The following ZNF628 variants were observed in gnomAD, a reference collection of about 807,000 sequenced individuals.
The protein encoded by ZNF628 is zinc finger protein 628, also known as zinc finger protein Zec.
In ZNF628, 3 loss-of-function variants were observed where a neutral mutation model predicts 2.5. The ratio of observed to expected loss-of-function variants is 1.19; its 90% CI spans 0.54 to 3.07. The LOEUF (loss-of-function observed/expected upper bound fraction) is 3.07, where lower values mean the gene tolerates loss of function less well. Among genes scored for constraint, ZNF628 ranks in the 30% most tolerant of loss-of-function variants. The pLI is 0.03. For missense variants in ZNF628, 1,610 were observed against 1,517.1 expected, an observed-to-expected ratio of 1.06 and a Z score of -1.02; for synonymous variants, 861 against 717.1, an observed-to-expected ratio of 1.20 and a Z score of -3.21.
At position 55,483,264 on chromosome 19, in the gene ZNF628, G is replaced by A. The variant is rs956013312; in HGVS notation, c.2071G>A (p.Glu691Lys). The A allele has an allele frequency of 2.0e-6, 3 of 1,525,278 alleles. No individual in the cohort carries two copies. Among genetic ancestry groups the A allele is most frequent in the East Asian group, 2.4e-5 (1 of 40,832 alleles). 94.5% of individuals were successfully genotyped at this position (1,525,278 alleles called of 1,614,324 possible). A position where few individuals can be genotyped will look rare whatever the true frequency, so the allele number is the denominator to read the frequency against. Residue 691 changes from glutamate (E) to lysine (K), a missense_variant, in exon 3 of 3, where the codon GAG becomes AAG. Physicochemically the swap from Glu to Lys is moderately conservative, Grantham distance 56. Around this residue, in one of 5 missense-constraint regions of ZNF628, gnomAD observed 712 missense variants for 603.6 expected, o/e 1.18. Transcript: ENST00000598519. ...CCACCTCCAGGCCACGCTCTCCCTC[G>A]AGGTGGCGGGGGGCACGGCCCAGGC... The part of the protein sequence containing the change: ...LPHLQATLSL[E>K]VAGGTAQAPS...
rs750307464 is a variant in ZNF628 at position 55,483,840 on chromosome 19, G to A, written c.2647G>A (p.Ala883Thr). The A allele has an allele frequency of 6.2e-7, 1 of 1,613,060 alleles. No individual in the cohort carries two copies. Among genetic ancestry groups the A allele is most frequent in the Non-Finnish European group, 8.5e-7 (1 of 1,179,598 alleles). ...CTCCAATTCCAGTGGGGGAGCTGTG[G>A]CTACTGAGGCACCCAACCTGCTGGT... ...QLSNSSGGAV[A>T]TEAPNLLVVQ... Residue 883 changes from alanine to threonine, a missense_variant, in exon 3 of 3, where the codon GCT becomes ACT. Transcript: ENST00000598519.
Position 55,482,460 on chromosome 19 carries a change from G to A in ZNF628, c.1267G>A (p.Ala423Thr). Residue 423 changes from alanine (A) to threonine (T), a missense_variant, in exon 3 of 3, where the codon GCT becomes ACT. By Grantham distance (58) the Ala-to-Thr change is moderately conservative. Transcript: ENST00000598519. ...CGGGCGCCCGCCCCCGCAGGCTGAG[G>A]CTGCGGAGGTGACCTGCCCCCAGGA... ...AAGRPPPQAEAAEVTCPQEPL... is the reference protein window; with the variant it reads ...AAGRPPPQAETAEVTCPQEPL... 7.1e-7 allele frequency: 1 copy of A among 1,402,624 alleles called. No homozygotes were observed. Among genetic ancestry groups the A allele is most frequent in the Non-Finnish European group, 9.2e-7 (1 of 1,085,866 alleles). 86.9% of individuals were successfully genotyped at this position (1,402,624 alleles called of 1,614,324 possible).
rs1394953511 is a variant in ZNF628, at chr19:55,483,879, G to A, written c.2686G>A (p.Ala896Thr). ...CAACCTGCTGGTTGTTCAGAGCGGGGCAGCTGAGGAGTTGCTCACTGGCCC... is the reference window on the plus strand; with the variant it reads ...CAACCTGCTGGTTGTTCAGAGCGGGACAGCTGAGGAGTTGCTCACTGGCCC... ...APNLLVVQSGAAEELLTGPGP... is the reference protein window; with the variant it reads ...APNLLVVQSGTAEELLTGPGP... Residue 896 changes from alanine (A) to threonine (T), a missense_variant, in exon 3 of 3, where the codon GCA becomes ACA. Transcript: ENST00000598519. 2 of 1,606,946 alleles carry A rather than the reference G, an allele frequency of 1.2e-6. No individual in the cohort carries two copies. Among genetic ancestry groups the A allele is most frequent in the Admixed American group, 3.4e-5 (2 of 59,224 alleles).
Position 55,481,639 on chromosome 19 carries a change from C to T in ZNF628, c.446C>T (p.Pro149Leu). 1 of 1,607,178 alleles carries T rather than the reference C, an allele frequency of 6.2e-7. No individual in the cohort carries two copies. The highest frequency in any genetic ancestry group is 8.5e-7 in the Non-Finnish European group (1 of 1,176,442). ...CAGCACACAGGCGAGCGCCCCTACC[C>T]GTGCCCGGACTGCCCCAAGGCCTTC... is the stretch of plus-strand genomic sequence containing the variant. ...LRQHTGERPY[P>L]CPDCPKAFKN... Residue 149 changes from proline (P) to leucine (L), a missense_variant, in exon 3 of 3, where the codon CCG (proline) becomes CTG (leucine). Coordinates refer to ENST00000598519, the MANE Select transcript of ZNF628 (RefSeq NM_033113.3).
At chr19:55,477,364 T>TG (rs1491391034) in intron 1 of ZNF628, among the ~76,000 whole-genome samples, 1 of 50,478 alleles carries the variant, frequency 2.0e-5, no homozygotes, top group African/African-American at 7.6e-5. Flanking sequence ...TTTTTTTTTT[T>TG]TTTTTTTTTT....
In ZNF628 at chr19:55,479,474, G is replaced by A. The variant is rs1290243517; in HGVS notation, c.-77-360G>A. 1.3e-5 allele frequency among the ~76,000 whole-genome samples: 2 copies of A among 152,202 alleles called. No individual in the cohort carries two copies. Among genetic ancestry groups the A allele is most frequent in the African/African-American group, 4.8e-5 (2 of 41,446 alleles). ...GATTGTTGGTTCTGCAGATGGGAAC[G>A]TCCAGGAGAGGAGGAAAAGTGGAGG... On this transcript the variant is annotated intron_variant, in intron 1 of 2. Coordinates refer to ENST00000598519, the MANE Select transcript of ZNF628 (RefSeq NM_033113.3). This position sits in a 1 kb window ranked among gnomAD's most constrained non-coding sequence, Gnocchi z 5.1.
Position 55,483,921 on chromosome 19 carries a change from G to T in ZNF628, c.2728G>T (p.Gly910Trp). 1 of 1,581,518 alleles carries T rather than the reference G, an allele frequency of 6.3e-7. No homozygotes were observed. Among genetic ancestry groups the T allele is most frequent in the East Asian group, 2.3e-5 (1 of 43,940 alleles). The part of the protein sequence containing the change: ...LLTGPGPGEA[G>W]DGEASTGVVQ... ...CACTGGCCCGGGCCCCGGGGAGGCGGGGGATGGCGAGGCCAGCACTGGTGT... is the reference window on the plus strand; with the variant it reads ...CACTGGCCCGGGCCCCGGGGAGGCGTGGGATGGCGAGGCCAGCACTGGTGT... Residue 910 changes from glycine to tryptophan, a missense_variant, in exon 3 of 3, where the codon GGG (glycine) becomes TGG (tryptophan). By Grantham distance (184) the Gly-to-Trp change is radical. Around this residue, in one of 5 missense-constraint regions of ZNF628, gnomAD observed 712 missense variants for 603.6 expected, o/e 1.18. Coordinates refer to ENST00000598519, the MANE Select transcript of ZNF628 (RefSeq NM_033113.3).
chr19:55,478,990 A>G (rs1568465710), intron 1 of ZNF628, among the ~76,000 whole-genome samples: 2 of 152,170 alleles, frequency 1.3e-5, no homozygotes, highest in South Asian at 2.1e-4. Flanking sequence ...GTGGTGTGGC[A>G]TTCAGAGGGT....
Position 55,479,950 on chromosome 19 carries a change from A to G in ZNF628, c.7+33A>G, listed in dbSNP as rs753571821. 2.3e-5 allele frequency: 9 copies of G among 399,204 alleles called. 1 individual carries two copies. 24.7% of individuals were successfully genotyped at this position (399,204 alleles called of 1,614,324 possible). ...CCTGGGGAGTGCATGGGCCAGAGAC[A>G]TGTAGTGTGAGCCAGGGAGGGTGAT... is the stretch of plus-strand genomic sequence containing the variant. On this transcript the variant is annotated intron_variant, in intron 2 of 2. Coordinates refer to ENST00000598519, the MANE Select transcript of ZNF628 (RefSeq NM_033113.3). The surrounding 1 kb of genome is among the most constrained non-coding windows in gnomAD (Gnocchi z 5.1).
At position 55,483,951 on chromosome 19, in the gene ZNF628, C is replaced by T. The variant is rs1204346028; in HGVS notation, c.2758C>T (p.Gln920Ter). ...TGGCGAGGCCAGCACTGGTGTGGTC[C>T]AGGATGTCCTCTTTGAGACACTCCA... ...GDGEASTGVV[Q>*]DVLFETLQTD... The change falls in exon 3 of 3, where the codon CAG becomes TAG. Residue 920 changes from glutamine to a stop codon, truncating the protein, a stop_gained. Transcript: ENST00000598519. LOFTEE classifies it low-confidence loss of function (END_TRUNC). 2 of 1,571,544 alleles carry T rather than the reference C, an allele frequency of 1.3e-6. No individual in the cohort carries two copies. Among genetic ancestry groups the T allele is most frequent in the South Asian group, 1.2e-5 (1 of 84,290 alleles).
Position 55,483,996 on chromosome 19 carries a change from A to C in ZNF628, c.2803A>C (p.Ser935Arg), listed in dbSNP as rs143834459. The change falls in exon 3 of 3, where the codon AGC (serine) becomes CGC (arginine). Residue 935 changes from serine (S) to arginine (R), a missense_variant. By Grantham distance (110) the Ser-to-Arg change is moderately radical. This residue lies in a region of ZNF628 where 712 missense variants were observed against 603.6 expected (regional missense o/e 1.18). Coordinates refer to ENST00000598519, the MANE Select transcript of ZNF628 (RefSeq NM_033113.3). ...ETLQTDEGLQ[S>R]VLVLSGADGE... Reference sequence around the variant, plus strand: ...ACTCCAGACGGACGAGGGCTTGCAGAGCGTGCTGGTGCTGAGCGGGGCCGA... The same window carrying C: ...ACTCCAGACGGACGAGGGCTTGCAGCGCGTGCTGGTGCTGAGCGGGGCCGA... 2 of 1,583,950 alleles carry C rather than the reference A, an allele frequency of 1.3e-6. No individual in the cohort carries two copies. Among genetic ancestry groups the C allele is most frequent in the African/African-American group, 2.7e-5 (2 of 74,306 alleles).
Position 55,484,095 on chromosome 19 carries a change from G to C in ZNF628, c.2902G>C (p.Gly968Arg). 1 of 1,592,320 alleles carries C rather than the reference G, an allele frequency of 6.3e-7. No individual in the cohort carries two copies. The highest frequency in any genetic ancestry group is 8.5e-7 in the Non-Finnish European group (1 of 1,171,188). ...PPGLTEPPAT[G>R]PPGQKLLIIR... The stretch of plus-strand genomic sequence containing the variant: ...TGGGCTGACGGAGCCGCCTGCCACC[G>C]GCCCACCCGGACAGAAACTCCTCAT... The change falls in exon 3 of 3, where the codon GGC becomes CGC. Residue 968 changes from glycine to arginine, a missense_variant. Coordinates refer to ENST00000598519, the MANE Select transcript of ZNF628 (RefSeq NM_033113.3).
At position 55,483,639 on chromosome 19, in the gene ZNF628, A is replaced by G. The variant is rs764083798; in HGVS notation, c.2446A>G (p.Ser816Gly). 1 of 1,613,458 alleles carries G rather than the reference A, an allele frequency of 6.2e-7. No homozygotes were observed. The highest frequency in any genetic ancestry group is 8.5e-7 in the Non-Finnish European group (1 of 1,179,814). The change falls in exon 3 of 3, where the codon AGT (serine) becomes GGT (glycine). Residue 816 changes from serine to glycine, a missense_variant. Transcript: ENST00000598519. The stretch of plus-strand genomic sequence containing the variant: ...TGGGGAGGCAGGGCCACAGGAAATG[A>G]GTGGGGTGCAGCTCCAGCCCCTCCG... ...GGGEAGPQEM[S>G]GVQLQPLRPA...
rs772602474 is a variant in ZNF628, at chr19:55,482,795, C to G, written c.1602C>G (p.Gly534=). ...AGTACCACCTGCGGCTGCACTCTGGCGAGCGGCCCTACGCCTGCGGGGAGT... is the reference window on the plus strand; with the variant it reads ...AGTACCACCTGCGGCTGCACTCTGGGGAGCGGCCCTACGCCTGCGGGGAGT... ...HYQYHLRLHS[G]ERPYACGECG... is the part of the protein sequence containing the mutation. The change falls in exon 3 of 3, where the codon GGC becomes GGG. Residue 534 remains glycine, a synonymous_variant. Coordinates refer to ENST00000598519, the MANE Select transcript of ZNF628 (RefSeq NM_033113.3). The G allele has an allele frequency of 6.2e-7, 1 of 1,610,128 alleles. No homozygotes were observed. Among genetic ancestry groups the G allele is most frequent in the Non-Finnish European group, 8.5e-7 (1 of 1,177,836 alleles).
Position 55,483,179 on chromosome 19 carries a change from C to G in ZNF628, c.1986C>G (p.Pro662=). 6.5e-7 allele frequency: 1 copy of G among 1,550,330 alleles called. No homozygotes were observed. The highest frequency in any genetic ancestry group is 8.7e-7 in the Non-Finnish European group (1 of 1,155,370). The change falls in exon 3 of 3, where the codon CCC becomes CCG. Residue 662 remains proline, a synonymous_variant. Transcript: ENST00000598519. ...STTAPAAGPQ[P]PAPLAAARAP... is the part of the protein sequence containing the mutation. ...CAGCCCCTGCCGCCGGCCCCCAGCCCCCTGCTCCACTGGCTGCTGCGCGGG... is the reference window on the plus strand; with the variant it reads ...CAGCCCCTGCCGCCGGCCCCCAGCCGCCTGCTCCACTGGCTGCTGCGCGGG...
rs961704694 is a variant in ZNF628, at chr19:55,479,790, C to A, written c.-77-44C>A. 3 of 396,864 alleles carry A rather than the reference C, an allele frequency of 7.6e-6. No individual in the cohort carries two copies. Among genetic ancestry groups the A allele is most frequent in the Non-Finnish European group, 8.9e-6 (2 of 225,092 alleles). 24.6% of individuals were successfully genotyped at this position (396,864 alleles called of 1,614,324 possible). A position where few individuals can be genotyped will look rare whatever the true frequency, so the allele number is the denominator to read the frequency against. On this transcript the variant is annotated intron_variant, in intron 1 of 2. Transcript: ENST00000598519. The surrounding 1 kb of genome is among the most constrained non-coding windows in gnomAD (Gnocchi z 5.1). ...AGTTGAGAACCACTAGTATCGTGGT[C>A]AGAATGTGAGAAACTTCGCGTCTGA...
Position 55,482,518 on chromosome 19 carries a change from C to A in ZNF628, c.1325C>A (p.Pro442Gln). 1 of 1,478,642 alleles carries A rather than the reference C, an allele frequency of 6.8e-7. No homozygotes were observed. The highest frequency in any genetic ancestry group is 9.0e-7 in the Non-Finnish European group (1 of 1,114,386). The allele number at this position is 1,478,642 out of a possible 1,614,324, so 91.6% of individuals were successfully genotyped here. ...PLAPAAPVPP[P>Q]PPSAPASAER... is the part of the protein sequence containing the mutation. Reference sequence around the variant, plus strand: ...GCGCCTGCCGCCCCCGTCCCGCCGCCACCCCCGTCCGCCCCCGCTTCTGCG... The same window carrying A: ...GCGCCTGCCGCCCCCGTCCCGCCGCAACCCCCGTCCGCCCCCGCTTCTGCG... Residue 442 changes from proline to glutamine, a missense_variant, in exon 3 of 3, where the codon CCA (proline) becomes CAA (glutamine). This residue lies in a region of ZNF628 where 651 missense variants were observed against 575.6 expected (regional missense o/e 1.13). Coordinates refer to ENST00000598519, the MANE Select transcript of ZNF628 (RefSeq NM_033113.3).
chr19:55,482,539 C>T lies in ZNF628; in HGVS notation c.1346C>T (p.Ser449Phe), dbSNP rs959337051. Reference sequence around the variant, plus strand: ...CCGCCACCCCCGTCCGCCCCCGCTTCTGCGGAGCGGCCCTACAAATGTGCC... The same window carrying T: ...CCGCCACCCCCGTCCGCCCCCGCTTTTGCGGAGCGGCCCTACAAATGTGCC... ...VPPPPPSAPA[S>F]AERPYKCAEC... is the part of the protein sequence containing the mutation. The change falls in exon 3 of 3, where the codon TCT (serine) becomes TTT (phenylalanine). Residue 449 changes from serine (S) to phenylalanine (F), a missense_variant. Transcript: ENST00000598519. 2 of 1,482,182 alleles carry T rather than the reference C, an allele frequency of 1.3e-6. No individual in the cohort carries two copies. Among genetic ancestry groups the T allele is most frequent in the Middle Eastern group, 2.2e-4 (1 of 4,638 alleles). 91.8% of individuals were successfully genotyped at this position (1,482,182 alleles called of 1,614,324 possible).
In ZNF628 at chr19:55,481,969, A is replaced by G. The variant is rs751759484; in HGVS notation, c.776A>G (p.His259Arg). 1.4e-6 allele frequency: 2 copies of G among 1,454,204 alleles called. No homozygotes were observed. The highest frequency in any genetic ancestry group is 2.7e-5 in the South Asian group (2 of 74,490). 90.1% of individuals were successfully genotyped at this position (1,454,204 alleles called of 1,614,324 possible). Residue 259 changes from histidine (H) to arginine (R), a missense_variant, in exon 3 of 3, where the codon CAC (histidine) becomes CGC (arginine). Transcript: ENST00000598519. Reference sequence around the variant, plus strand: ...GTGTGCGACGCCTACCTGCAGCGGCACCTCCAGCCCCACAGCCCGCCCGCG... The same window carrying G: ...GTGTGCGACGCCTACCTGCAGCGGCGCCTCCAGCCCCACAGCCCGCCCGCG... ...VFVCDAYLQRHLQPHSPPAPP... is the reference protein window; with the variant it reads ...VFVCDAYLQRRLQPHSPPAPP...
Sources: allele counts gnomAD v4.1 joint callset (sites outside exome capture counted in the v4.1 genomes callset), GRCh38; gene constraint gnomAD v4.1.1; regional missense constraint gnomAD v4.1.1; non-coding constraint Gnocchi (gnomAD v3.1); transcripts MANE v1.5; gene names NCBI Gene and HGNC (gene_info 2026-07-23, HGNC 2026-07-21).